The following MITF variants were observed in gnomAD, a reference collection of about 807,000 sequenced individuals.
MITF encodes microphthalmia-associated transcription factor.
MITF carries 17 observed loss-of-function variants against 60.5 expected under a neutral mutation model. The ratio of observed to expected loss-of-function variants is 0.28; its 90% confidence interval spans 0.19 to 0.42. The LOEUF (loss-of-function observed/expected upper bound fraction) is 0.42, where lower values mean the gene tolerates loss of function less well. Among genes scored for constraint, MITF ranks in the 10% least tolerant of loss-of-function variants. The pLI is 1.00. For missense variants in MITF, 622 were observed against 683.5 expected (o/e 0.91, Z 1.00); for synonymous variants, 260 against 248.5 (o/e 1.05, Z -0.43).
intron 1 of MITF, among the ~76,000 whole-genome samples, chr3:69,827,488 C>A (rs1362250175): frequency 1.3e-5 from 2 of 152,162 alleles, no homozygotes; most frequent in Non-Finnish European, 2.9e-5. Context: ...GGAGGAACCA[C>A]AGAGTGGCTC....
Position 69,939,298 on chromosome 3 carries a change from T to C in MITF, c.666+117T>C, listed in dbSNP as rs538985990. The C allele has an allele frequency of 8.7e-6, 8 of 918,122 alleles. No homozygotes were observed. In the South Asian group the frequency reaches 1.2e-4, roughly 14 times the overall value. 56.9% of individuals were successfully genotyped at this position (918,122 alleles called of 1,614,324 possible). A position where few individuals can be genotyped will look rare whatever the true frequency, so the allele number is the denominator to read the frequency against. On this transcript the variant is annotated intron_variant, in intron 4 of 9. Transcript: ENST00000352241. ...TTTTTCCCCCATTGTTTTTTTTTTT[T>C]TTATAGAGAAAGCTAGGAACATTGC... is the stretch of plus-strand genomic sequence containing the variant.
chr3:69,864,612 A>G (rs772312047), intron 1 of MITF, among the ~76,000 whole-genome samples: 22 of 152,070 alleles, frequency 1.4e-4, no homozygotes, highest in East Asian at 7.8e-4. Flanking sequence ...TAAAAACTCA[A>G]ATCTGAGCTC....
intron 1 of MITF, among the ~76,000 whole-genome samples, chr3:69,785,271 AAGCAGCAGC>A (rs35669744): frequency 5.3e-5 from 8 of 151,368 alleles, no homozygotes; most frequent in South Asian, 2.1e-4. Context: ...AAATAACAGC[AAGCAGCAGC>A]AGCAGCAGCA....
intron 1 of MITF, among the ~76,000 whole-genome samples, chr3:69,870,809 G>A (rs1457972424): frequency 6.6e-6 from 1 of 152,140 alleles, no homozygotes; most frequent in East Asian, 1.9e-4. Context: ...GGAGACCTGG[G>A]AGATGTTGTG....
At chr3:69,905,989 G>A (rs2065090092) in intron 2 of MITF, among the ~76,000 whole-genome samples, 2 of 152,042 alleles carry the variant, frequency 1.3e-5, no homozygotes, top group Admixed American at 1.3e-4. Flanking sequence ...ATAAAACCAA[G>A]TTCATTGGTT....
intron 2 of MITF, among the ~76,000 whole-genome samples, chr3:69,889,886 G>C (rs115174997): frequency 6.6e-6 from 1 of 152,088 alleles, no homozygotes; most frequent in African/African-American, 2.4e-5. Flanking sequence ...CCAGTGCTCA[G>C]CAGCCACACG....
At chr3:69,793,092 C>A (rs2106921529) in intron 1 of MITF, among the ~76,000 whole-genome samples, 1 of 137,714 alleles carries the variant, frequency 7.3e-6, no homozygotes, top group East Asian at 2.5e-4. Flanking sequence ...CGTTCCTGGG[C>A]AACCTCGATT....
chr3:69,964,228 T>C (rs746675811), intron 9 of MITF, among the ~76,000 whole-genome samples: 56 of 152,090 alleles, frequency 3.7e-4, no homozygotes, highest in Admixed American at 2.0e-4. Context: ...TCCGCCCCCC[T>C]CGGCCTCCCA....
intron 1 of MITF, among the ~76,000 whole-genome samples, chr3:69,789,145 A>G (rs1361956770): frequency 2.6e-5 from 4 of 152,222 alleles, no homozygotes; most frequent in African/African-American, 9.6e-5. Flanking sequence ...ATGCTACTCC[A>G]TTAAACTTAA....
At chr3:69,830,074 A>G (rs1414883064) in intron 1 of MITF, among the ~76,000 whole-genome samples, 1 of 152,090 alleles carries the variant, frequency 6.6e-6, no homozygotes, top group African/African-American at 2.4e-5. Flanking sequence ...CGAATCTAGG[A>G]TGGATCAGGA....
At chr3:69,821,690 T>TAAAAAA (rs72371556) in intron 1 of MITF, among the ~76,000 whole-genome samples, 2 of 113,254 alleles carry the variant, frequency 1.8e-5, no homozygotes, top group Non-Finnish European at 3.5e-5. Context: ...AAAAAAAAAC[T>TAAAAAA]AAAAAAAAAA....
At chr3:69,833,113 G>T (rs1237508965) in intron 1 of MITF, among the ~76,000 whole-genome samples, 1 of 152,138 alleles carries the variant, frequency 6.6e-6, no homozygotes, top group African/African-American at 2.4e-5. Context: ...GTATGTGGTT[G>T]TTTCCCTGTT....
At chr3:69,742,566 C>G (rs1703566730) in intron 1 of MITF, among the ~76,000 whole-genome samples, 1 of 152,146 alleles carries the variant, frequency 6.6e-6, no homozygotes, top group East Asian at 1.9e-4. Context: ...TTTTGGAATA[C>G]CCCAGGCCCT....
Position 69,962,380 on chromosome 3 carries a change from G to T in MITF, c.1180-2467G>T, listed in dbSNP as rs77225291. Among the ~76,000 whole-genome samples, 442 of 152,316 alleles carry T rather than the reference G, an allele frequency of 2.9e-3. 1 individual carries two copies. The highest frequency in any genetic ancestry group is 9.9e-3 in the African/African-American group (411 of 41,572). On this transcript the variant is annotated intron_variant, in intron 9 of 9. Transcript: ENST00000352241. ...GGTGCCTGAAGAAACTTGTGTTTCTGGAGATTATGTAAAGGAACTTGAAGG... is the reference window on the plus strand; with the variant it reads ...GGTGCCTGAAGAAACTTGTGTTTCTTGAGATTATGTAAAGGAACTTGAAGG...
rs114714171 is a variant in MITF, at chr3:69,931,023, C to T, written c.355-6799C>T. ...GTTTAAAAGCAAAAGAAAACTGTGT[C>T]GAGACTTTCAAGAATATTTTATGTG... On this transcript the variant is annotated intron_variant, in intron 2 of 9. Coordinates refer to ENST00000352241, the MANE Select transcript of MITF (RefSeq NM_001354604.2). Among the ~76,000 whole-genome samples the T allele has an allele frequency of 2.9e-3, 444 of 152,298 alleles. 4 individuals carry two copies. Among genetic ancestry groups the T allele is most frequent in the African/African-American group, 9.6e-3 (401 of 41,566 alleles).
chr3:69,963,557 G>A (rs1332873801), intron 9 of MITF, among the ~76,000 whole-genome samples: 3 of 152,126 alleles, frequency 2.0e-5, no homozygotes, highest in African/African-American at 4.8e-5. Flanking sequence ...TTTTTATTTT[G>A]TTATTAAATA....
At chr3:69,835,208 G>A (rs1254199814) in intron 1 of MITF, among the ~76,000 whole-genome samples, 2 of 151,814 alleles carry the variant, frequency 1.3e-5, no homozygotes, top group African/African-American at 4.8e-5. Context: ...TGTAGAGACC[G>A]GGTGTTGCCA....
chr3:69,781,998 T>C (rs1388712234), intron 1 of MITF, among the ~76,000 whole-genome samples: 2 of 149,532 alleles, frequency 1.3e-5, no homozygotes, highest in East Asian at 4.3e-4. Flanking sequence ...TTCATTGCAC[T>C]AAAGATTTAG....
intron 1 of MITF, among the ~76,000 whole-genome samples, chr3:69,805,101 A>G (rs546776631): frequency 6.6e-6 from 1 of 152,298 alleles, no homozygotes; most frequent in African/African-American, 2.4e-5. Flanking sequence ...CTACAATATG[A>G]CATAATTTTG....
Sources: allele counts gnomAD v4.1 joint callset (sites outside exome capture counted in the v4.1 genomes callset), GRCh38; gene constraint gnomAD v4.1.1; transcripts MANE v1.5; gene names NCBI Gene and HGNC (gene_info 2026-07-23, HGNC 2026-07-21).